Variants in SCN8A observed in about 807,000 individuals in gnomAD.
SCN8A encodes the protein sodium voltage-gated channel alpha subunit 8, also known as sodium channel protein type 8 subunit alpha.
In SCN8A, 30 loss-of-function variants were observed where a neutral mutation model predicts 184.1. That is an observed-to-expected ratio of 0.16 (90% CI 0.12 to 0.22). The LOEUF (loss-of-function observed/expected upper bound fraction) is 0.22. Among genes scored for constraint, SCN8A ranks in the 10% least tolerant of loss-of-function variants. The pLI is 1.00. For synonymous variants in SCN8A, 852 were observed against 907.0 expected (o/e 0.94, Z 1.09); for missense variants, 1,057 against 2,498.9 (o/e 0.42, Z 12.30).
intron 21 of SCN8A, among the ~76,000 whole-genome samples, chr12:51,783,886 A>G (rs1057056169): frequency 3.9e-5 from 6 of 152,244 alleles, no homozygotes; most frequent in Non-Finnish European, 7.3e-5. Flanking sequence ...ATTTGTATCA[A>G]TTGCCAAGTA....
chr12:51,681,208 A>G (rs1283143176), intron 2 of SCN8A, among the ~76,000 whole-genome samples: 1 of 152,042 alleles, frequency 6.6e-6, no homozygotes, highest in Non-Finnish European at 1.5e-5. Flanking sequence ...TTTGTCTCCC[A>G]CACCAACTTC....
At chr12:51,747,825 G>A (rs1453962385) in intron 13 of SCN8A, among the ~76,000 whole-genome samples, 1 of 149,780 alleles carries the variant, frequency 6.7e-6, no homozygotes, top group African/African-American at 2.5e-5. Context: ...CTGTCCTGCT[G>A]TGCTTATTCT....
At chr12:51,686,837 T>G (rs934210211) in intron 4 of SCN8A, among the ~76,000 whole-genome samples, 1 of 152,190 alleles carries the variant, frequency 6.6e-6, no homozygotes, top group Non-Finnish European at 1.5e-5. Context: ...ATGTACTAGA[T>G]AGCTGCAAAG....
chr12:51,782,859 T>C (rs1937966127), intron 21 of SCN8A, among the ~76,000 whole-genome samples: 1 of 152,220 alleles, frequency 6.6e-6, no homozygotes, highest in Non-Finnish European at 1.5e-5. Context: ...CTAAAAACTT[T>C]CATTTGTCAA....
chr12:51,733,012 T>G (rs2138803831), intron 12 of SCN8A, among the ~76,000 whole-genome samples: 1 of 152,322 alleles, frequency 6.6e-6, no homozygotes, highest in East Asian at 1.9e-4. Context: ...AAGGATAATT[T>G]GACTTCTTCC....
intron 20 of SCN8A, among the ~76,000 whole-genome samples, chr12:51,778,534 C>T (rs303800): frequency 1.3e-4 from 20 of 152,198 alleles, no homozygotes; most frequent in Admixed American, 3.9e-4. Context: ...GGTGATCCAC[C>T]CACCTCGGCC....
Position 51,751,503 on chromosome 12 carries a change from C to T in SCN8A, c.2280C>T (p.Thr760=), listed in dbSNP as rs771485364. ...VMDPFVDLAI[T]ICIVLNTLFM... is the part of the protein sequence containing the mutation. ...ACCCTTTTGTGGATTTAGCCATCACCATCTGCATCGTCCTGAATACACTGT... is the reference window on the plus strand; with the variant it reads ...ACCCTTTTGTGGATTTAGCCATCACTATCTGCATCGTCCTGAATACACTGT... The change falls in exon 14 of 27, where the codon ACC becomes ACT. Residue 760 remains threonine (T), a synonymous_variant. Coordinates refer to ENST00000627620, the MANE Select transcript of SCN8A (RefSeq NM_001330260.2). The T allele has an allele frequency of 5.0e-6, 8 of 1,613,912 alleles. No homozygotes were observed.
At chr12:51,694,606 T>G (rs1211396194) in intron 6 of SCN8A, among the ~76,000 whole-genome samples, 1 of 152,242 alleles carries the variant, frequency 6.6e-6, no homozygotes, top group Non-Finnish European at 1.5e-5. Context: ...ACGTGGCTTC[T>G]GTTGCACACT....
At chr12:51,670,510 G>T (rs138425542) in intron 2 of SCN8A, among the ~76,000 whole-genome samples, 1 of 152,148 alleles carries the variant, frequency 6.6e-6, no homozygotes, top group African/African-American at 2.4e-5. Context: ...GGCTGGGGAG[G>T]GTGAGCTGGA....
rs192311850 is a variant in SCN8A at position 51,619,972 on chromosome 12, G to A, written c.-55+28613G>A. Among the ~76,000 whole-genome samples the A allele has an allele frequency of 1.7e-3, 259 of 152,330 alleles. 6 individuals carry two copies. The highest frequency in any genetic ancestry group is 0.016 in the Admixed American group (244 of 15,300). ...TTGTTATTTACTGTACTGATGTACT[G>A]ATGGTGGAATAGAAGCCCTGCAAAA... On this transcript the variant is annotated intron_variant, in intron 1 of 26. Transcript: ENST00000627620.
At chr12:51,610,324 C>G (rs1273102055) in intron 1 of SCN8A, among the ~76,000 whole-genome samples, 1 of 152,094 alleles carries the variant, frequency 6.6e-6, no homozygotes, top group African/African-American at 2.4e-5. Flanking sequence ...TTGGTGAGTT[C>G]TGCAGTTTTG....
At chr12:51,768,325 ATTTTAT>A in intron 16 of SCN8A, among the ~76,000 whole-genome samples, 1 of 152,288 alleles carries the variant, frequency 6.6e-6, no homozygotes, top group Middle Eastern at 3.4e-3. Flanking sequence ...TGCTAAAGCG[ATTTTAT>A]TTTTATAAAT....
intron 1 of SCN8A, among the ~76,000 whole-genome samples, chr12:51,594,060 A>G (rs562512264): frequency 3.9e-5 from 6 of 152,342 alleles, no homozygotes; most frequent in Admixed American, 1.3e-4. Flanking sequence ...AGAGGTCAGT[A>G]TTACTAAAGT....
chr12:51,703,237 T>TTTTTGTTTTGTTTTG (rs5798183), intron 9 of SCN8A, among the ~76,000 whole-genome samples: 328 of 150,120 alleles, frequency 2.2e-3, no homozygotes, highest in Non-Finnish European at 3.8e-3. Context: ...GGGTTTGTTT[T>TTTTTGTTTTGTTTTG]TTTTGTTTTG....
intron 1 of SCN8A, among the ~76,000 whole-genome samples, chr12:51,614,991 C>T (rs897497166): frequency 2.0e-5 from 3 of 152,010 alleles, no homozygotes; most frequent in Admixed American, 2.0e-4. Flanking sequence ...AGTTTATGCC[C>T]ATTGATTAGT....
At chr12:51,665,527 A>G (rs1774579119) in intron 2 of SCN8A, among the ~76,000 whole-genome samples, 1 of 152,228 alleles carries the variant, frequency 6.6e-6, no homozygotes, top group Admixed American at 6.5e-5. Flanking sequence ...CATTGCTAGC[A>G]CTTTAGATAT....
rs1249232999 is a variant in SCN8A, at chr12:51,810,488, A to G, written c.*3059A>G. 4.5e-6 allele frequency: 2 copies of G among 439,816 alleles called. No homozygotes were observed. Among genetic ancestry groups the G allele is most frequent in the Admixed American group, 2.6e-5 (1 of 39,074 alleles). 27.2% of individuals were successfully genotyped at this position (439,816 alleles called of 1,614,324 possible). A position where few individuals can be genotyped will look rare whatever the true frequency, so the allele number is the denominator to read the frequency against. On this transcript the variant is annotated 3_prime_UTR_variant, in exon 27 of 27. Transcript: ENST00000627620. ...GCTTTGCCAAATATTAACGAAGCCA[A>G]TCAAAGAGCAGCGCAGCCACAGTAT...
intron 26 of SCN8A, among the ~76,000 whole-genome samples, chr12:51,795,498 A>G (rs1461827002): frequency 6.6e-6 from 1 of 152,240 alleles, no homozygotes; most frequent in African/African-American, 2.4e-5. Flanking sequence ...CCAGAGCTCC[A>G]GCGGCCATGC....
At chr12:51,643,190 G>A (rs1463566431) in intron 1 of SCN8A, among the ~76,000 whole-genome samples, 6 of 152,180 alleles carry the variant, frequency 3.9e-5, no homozygotes, top group Non-Finnish European at 8.8e-5. Context: ...CTTCTTTGGA[G>A]TAGGAAAGAA....
Sources: gnomAD v4.1 joint callset for allele counts (sites outside exome capture counted in the v4.1 genomes callset) on GRCh38, gnomAD v4.1.1 for gene constraint, MANE v1.5 for transcripts, NCBI Gene and HGNC (gene_info 2026-07-23, HGNC 2026-07-21) for gene names.